Variants in MRPS21 observed in about 807,000 individuals in gnomAD.
The protein encoded by MRPS21 is mitochondrial ribosomal protein S21.
In MRPS21, 8 loss-of-function variants were observed where a neutral mutation model predicts 9.9. The ratio of observed to expected loss-of-function variants is 0.81; its 90% confidence interval spans 0.47 to 1.45. The LOEUF is 1.45. Among genes scored for constraint, MRPS21 ranks in the 40% most tolerant of loss-of-function variants. The pLI, the probability that MRPS21 is intolerant of heterozygous loss-of-function variation, is 0.00. For synonymous variants in MRPS21, 40 were observed against 40.3 expected (o/e 0.99, Z 0.03); for missense variants, 101 against 118.9 (o/e 0.85, Z 0.70).
chr1:150,306,600 A>G (rs782755503), intron 2 of MRPS21, among the ~76,000 whole-genome samples: 1 of 151,662 alleles, frequency 6.6e-6, no homozygotes, highest in African/African-American at 2.4e-5. Flanking sequence ...GGTTCAAGCA[A>G]TTCTCCTGCC....
chr1:150,305,750 A>G (rs1553858406), intron 2 of MRPS21, among the ~76,000 whole-genome samples: 1 of 152,138 alleles, frequency 6.6e-6, no homozygotes, highest in Non-Finnish European at 1.5e-5. Context: ...GGGCACCACC[A>G]TGCCCAGCTA....
chr1:150,296,087 G>A (rs1378142714), intron 2 of MRPS21, among the ~76,000 whole-genome samples: 1 of 152,062 alleles, frequency 6.6e-6, no homozygotes, highest in Admixed American at 6.6e-5. Flanking sequence ...GAGTAGCTGG[G>A]ACTACAGGTG....
intron 2 of MRPS21, 62 bp downstream of exon 2, chr1:150,294,511 C>T: frequency 7.3e-7 from 1 of 1,375,674 alleles, no homozygotes; most frequent in Non-Finnish European, 1.0e-6. Context: ...GTTATTCTCT[C>T]CCTTCCCCTT....
chr1:150,296,565 T>A (rs1653922492), intron 2 of MRPS21, among the ~76,000 whole-genome samples: 1 of 152,176 alleles, frequency 6.6e-6, no homozygotes, highest in African/African-American at 2.4e-5. Flanking sequence ...GGAAGCATAG[T>A]GAGACCATGT....
At chr1:150,300,449 A>C (rs985546030) in intron 2 of MRPS21, among the ~76,000 whole-genome samples, 2 of 152,152 alleles carry the variant, frequency 1.3e-5, no homozygotes, top group Admixed American at 6.6e-5. Flanking sequence ...GCTCTCATTA[A>C]ATGTCTACTT....
chr1:150,300,861 G>T (rs1357646998), intron 2 of MRPS21, among the ~76,000 whole-genome samples: 9 of 152,058 alleles, frequency 5.9e-5, no homozygotes, highest in Non-Finnish European at 8.8e-5. Context: ...AAAAAGAAAA[G>T]AATTATATTC....
In MRPS21 at chr1:150,308,327, A is replaced by G; in HGVS notation, c.*99A>G. ...ATTTCCTATTACCATTCTCTGCAAT[A>G]AACTCAAATCACATGTCTGCAAGAA... On this transcript the variant is annotated 3_prime_UTR_variant, in exon 3 of 3. Transcript: ENST00000614145. 1.6e-6 allele frequency: 2 copies of G among 1,271,712 alleles called. No homozygotes were observed. Among genetic ancestry groups the G allele is most frequent in the Non-Finnish European group, 2.1e-6 (2 of 933,596 alleles). 78.8% of individuals were successfully genotyped at this position (1,271,712 alleles called of 1,614,324 possible).
rs1553856175 is a variant in MRPS21 at position 150,294,388 on chromosome 1, A to G, written c.22A>G (p.Ile8Val). 25 of 1,613,648 alleles carry G rather than the reference A, an allele frequency of 1.5e-5. No homozygotes were observed. Among genetic ancestry groups the G allele is most frequent in the Non-Finnish European group, 1.9e-5 (23 of 1,179,842 alleles). ...GGTCATGGCAAAACATCTGAAGTTC[A>G]TCGCCAGGACTGTGATGGTACAGGA... Reference protein sequence around the residue: MAKHLKFIARTVMVQEGN... With the variant: MAKHLKFVARTVMVQEGN... Residue 8 changes from isoleucine to valine, a missense_variant, in exon 2 of 3, where the codon ATC (isoleucine) becomes GTC (valine). Ile to Val is a conservative substitution (Grantham distance 29). Coordinates refer to ENST00000614145, the MANE Select transcript of MRPS21 (RefSeq NM_031901.6).
intron 2 of MRPS21, among the ~76,000 whole-genome samples, chr1:150,296,825 G>C (rs1187834795): frequency 3.9e-5 from 6 of 152,020 alleles, no homozygotes; most frequent in African/African-American, 7.2e-5. Flanking sequence ...TCCTTGTCTT[G>C]TCATTTCAGC....
At chr1:150,296,394 G>A (rs1299869170) in intron 2 of MRPS21, among the ~76,000 whole-genome samples, 5 of 152,290 alleles carry the variant, frequency 3.3e-5, no homozygotes, top group South Asian at 2.1e-4. Context: ...AGAAACAAAC[G>A]CTTGTTGAGT....
At chr1:150,305,518 A>G (rs1176438191) in intron 2 of MRPS21, among the ~76,000 whole-genome samples, 1 of 152,188 alleles carries the variant, frequency 6.6e-6, no homozygotes, top group Non-Finnish European at 1.5e-5. Flanking sequence ...ATGAGCAAAG[A>G]AAAAAACAAG....
chr1:150,294,932 C>G (rs1473622856), intron 2 of MRPS21, among the ~76,000 whole-genome samples: 1 of 149,132 alleles, frequency 6.7e-6, no homozygotes, highest in Non-Finnish European at 1.5e-5. Context: ...TCAAACCTAA[C>G]TGTATGAATT....
In MRPS21 at chr1:150,308,086, A is replaced by G; in HGVS notation, c.122A>G (p.His41Arg). 1.1e-5 allele frequency: 17 copies of G among 1,601,468 alleles called. No individual in the cohort carries two copies. Among genetic ancestry groups the G allele is most frequent in the Non-Finnish European group, 1.3e-5 (15 of 1,169,240 alleles). The part of the protein sequence containing the change: ...TMDGLIEDIK[H>R]RRYYEKPCCR... ...GATGGGCTCATTGAGGACATTAAGC[A>G]TCGGCGGTATTATGAGAAGCCATGC... is the stretch of plus-strand genomic sequence containing the variant. Residue 41 changes from histidine to arginine, a missense_variant, in exon 3 of 3, where the codon CAT becomes CGT. Coordinates refer to ENST00000614145, the MANE Select transcript of MRPS21 (RefSeq NM_031901.6).
chr1:150,299,708 G>T (rs1179938016), intron 2 of MRPS21, among the ~76,000 whole-genome samples: 4 of 152,184 alleles, frequency 2.6e-5, no homozygotes, highest in Non-Finnish European at 5.9e-5. Flanking sequence ...ACCCGCCTCT[G>T]TCTCCCAAAG....
chr1:150,308,250 G>A lies in MRPS21; in HGVS notation c.*22G>A, dbSNP rs782041205. The A allele has an allele frequency of 6.4e-7, 1 of 1,572,364 alleles. No homozygotes were observed. Among genetic ancestry groups the A allele is most frequent in the South Asian group, 1.1e-5 (1 of 89,298 alleles). On this transcript the variant is annotated 3_prime_UTR_variant, in exon 3 of 3. Coordinates refer to ENST00000614145, the MANE Select transcript of MRPS21 (RefSeq NM_031901.6). ...CTGAGGCCTGTGGGTGGGACACCCA[G>A]TGCGAAACCCTCATCCAGTTTTCTC...
chr1:150,295,724 G>A (rs947889763), intron 2 of MRPS21, among the ~76,000 whole-genome samples: 3 of 151,980 alleles, frequency 2.0e-5, no homozygotes, highest in Admixed American at 2.0e-4. Context: ...ATTGCTTGTT[G>A]CCAAGAGTTC....
At position 150,308,115 on chromosome 1, in the gene MRPS21, C is replaced by T. The variant is rs781892346; in HGVS notation, c.151C>T (p.Arg51Trp). 8.7e-6 allele frequency: 14 copies of T among 1,607,594 alleles called. No homozygotes were observed. The highest frequency in any genetic ancestry group is 2.2e-5 in the East Asian group (1 of 44,632). Residue 51 changes from arginine to tryptophan, a missense_variant, in exon 3 of 3, where the codon CGG becomes TGG. Transcript: ENST00000614145. ...GCGGTATTATGAGAAGCCATGCTGC[C>T]GGCGACAGAGGGAAAGCTATGAAAG... ...HRRYYEKPCCRRQRESYERCR... is the reference protein window; with the variant it reads ...HRRYYEKPCCWRQRESYERCR...
chr1:150,303,952 C>A, intron 2 of MRPS21: 1 of 455,660 alleles, frequency 2.2e-6, no homozygotes, highest in South Asian at 1.5e-5. Flanking sequence ...CAGATTTGAT[C>A]TCTAACCTTA....
At chr1:150,306,588 A>G (rs1654340038) in intron 2 of MRPS21, among the ~76,000 whole-genome samples, 1 of 151,722 alleles carries the variant, frequency 6.6e-6, no homozygotes, top group Non-Finnish European at 1.5e-5. Context: ...CTCCGCCCCC[A>G]GGGTTCAAGC....
Sources: allele counts gnomAD v4.1 joint callset (sites outside exome capture counted in the v4.1 genomes callset), GRCh38; gene constraint gnomAD v4.1.1; transcripts MANE v1.5; gene names NCBI Gene and HGNC (gene_info 2026-07-23, HGNC 2026-07-21).